The following ANK2 variants were observed in gnomAD, a reference collection of about 807,000 sequenced individuals.
ANK2 encodes the protein ankyrin 2.
A neutral mutation model predicts 360.5 loss-of-function variants in ANK2; 83 were observed. The ratio of observed to expected loss-of-function variants is 0.23; its 90% CI spans 0.19 to 0.28. ANK2 has a LOEUF of 0.28. Among genes scored for constraint, ANK2 ranks in the 10% least tolerant of loss-of-function variants. The pLI, the probability that ANK2 is intolerant of heterozygous loss-of-function variation, is 1.00. For synonymous variants in ANK2, 1,740 were observed against 1,759.5 expected (o/e 0.99, Z 0.28); for missense variants, 4,201 against 4,795.7 (o/e 0.88, Z 3.66).
At chr4:113,265,671 C>T (rs537169709) in intron 14 of ANK2, among the ~76,000 whole-genome samples, 48 of 152,272 alleles carry the variant, frequency 3.2e-4, no homozygotes, top group African/African-American at 1.0e-3. Context: ...TTTATTTTCT[C>T]ACCTTCCTTT....
At chr4:113,134,494 GA>G (rs2154380322) in intron 1 of ANK2, among the ~76,000 whole-genome samples, 2 of 151,830 alleles carry the variant, frequency 1.3e-5, no homozygotes, top group East Asian at 3.9e-4. Context: ...TAGGAAAATT[GA>G]TCCCCCCTTA....
At position 113,356,092 on chromosome 4, in the gene ANK2, G is replaced by A. The variant is rs759193468; in HGVS notation, c.7474G>A (p.Ala2492Thr). The change falls in exon 38 of 46, where the codon GCT becomes ACT. Residue 2492 changes from alanine to threonine, a missense_variant. Ala to Thr is a moderately conservative substitution (Grantham distance 58, BLOSUM62 0). Transcript: ENST00000357077. Reference sequence around the variant, plus strand: ...TCCAAGTCACTTTCCTCTTCCTGCAGCTGTTGCCAAAACAGAACTCTTGAC... The same window carrying A: ...TCCAAGTCACTTTCCTCTTCCTGCAACTGTTGCCAAAACAGAACTCTTGAC... ...IFPSHFPLPA[A>T]VAKTELLTEV... 6.8e-6 allele frequency: 11 copies of A among 1,613,990 alleles called. No individual in the cohort carries two copies. Among genetic ancestry groups the A allele is most frequent in the Admixed American group, 1.7e-5 (1 of 59,986 alleles).
intron 2 of ANK2, among the ~76,000 whole-genome samples, chr4:113,020,469 A>G (rs1053389007): frequency 1.3e-5 from 2 of 152,138 alleles, no homozygotes; most frequent in African/African-American, 4.8e-5. Flanking sequence ...TGTTGGGTTT[A>G]TAGGCGTGAG....
the ANK2 span, among the ~76,000 whole-genome samples, chr4:112,770,163 A>G: frequency 0.018 from 2,698 of 152,200 alleles, 89 homozygotes; most frequent in African/African-American, 0.059. Context: ...TCCCCTTATC[A>G]AGTTCTACAT....
At chr4:113,339,083 A>T (rs1158257953) in intron 31 of ANK2, 143 bp from the exon 32 acceptor site, 4 of 702,842 alleles carry the variant, frequency 5.7e-6, no homozygotes, top group Non-Finnish European at 1.0e-5. Context: ...ATTTTTTAGC[A>T]TGTAGATTTT....
At chr4:112,843,668 GA>G (rs1330642925) in intron 1 of ANK2, among the ~76,000 whole-genome samples, 2 of 152,056 alleles carry the variant, frequency 1.3e-5, no homozygotes, top group African/African-American at 2.4e-5. Context: ...CCCAAAAAAT[GA>G]AAATTTTTTT....
At chr4:112,854,644 G>C (rs1305329374) in intron 1 of ANK2, among the ~76,000 whole-genome samples, 1 of 152,208 alleles carries the variant, frequency 6.6e-6, no homozygotes, top group Non-Finnish European at 1.5e-5. Flanking sequence ...TGCTAAGAAG[G>C]CATTAAGGGT....
At chr4:113,372,414 T>G in intron 43 of ANK2, 1 of 631,802 alleles carries the variant, frequency 1.6e-6, no homozygotes, top group Non-Finnish European at 2.7e-6. Flanking sequence ...TCTACCAACT[T>G]GTCCATCAAA....
At chr4:113,126,487 A>G (rs1326437474) in intron 1 of ANK2, among the ~76,000 whole-genome samples, 1 of 152,178 alleles carries the variant, frequency 6.6e-6, no homozygotes, top group Non-Finnish European at 1.5e-5. Flanking sequence ...TGTAAGTGGA[A>G]CAGGTTACCT....
intron 15 of ANK2, among the ~76,000 whole-genome samples, chr4:113,277,168 A>T (rs1338895734): frequency 6.6e-6 from 1 of 152,254 alleles, no homozygotes; most frequent in Admixed American, 6.5e-5. Flanking sequence ...CAGTGTGTTT[A>T]AAAGTCTGGT....
rs1554561571 is a variant in ANK2, at chr4:113,356,427, A to C, written c.7809A>C (p.Gln2603His). Residue 2603 changes from glutamine (Q) to histidine (H), a missense_variant, in exon 38 of 46, where the codon CAA (glutamine) becomes CAC (histidine). By Grantham distance (24) the Gln-to-His change is conservative. Around this residue, in one of 4 missense-constraint regions of ANK2, gnomAD observed 2,642 missense variants for 2,714.5 expected, o/e 0.97. Transcript: ENST00000357077. ...TKIKMFDELE[Q>H]EAKQKRDYKK... Reference sequence around the variant, plus strand: ...TCAAAATGTTTGATGAACTTGAACAAGAAGCAAAGCAGAAAAGGGACTACA... The same window carrying C: ...TCAAAATGTTTGATGAACTTGAACACGAAGCAAAGCAGAAAAGGGACTACA... 1.2e-6 allele frequency: 2 copies of C among 1,614,190 alleles called. No individual in the cohort carries two copies. The highest frequency in any genetic ancestry group is 1.7e-5 in the Admixed American group (1 of 60,028).
chr4:113,241,725 A>G (rs2040051938), intron 8 of ANK2, among the ~76,000 whole-genome samples: 1 of 152,222 alleles, frequency 6.6e-6, no homozygotes, highest in South Asian at 2.1e-4. Flanking sequence ...CATAAAACTT[A>G]AGATGCCAGA....
At chr4:112,840,395 G>C (rs771793986) in intron 1 of ANK2, among the ~76,000 whole-genome samples, 4 of 152,154 alleles carry the variant, frequency 2.6e-5, no homozygotes, top group Non-Finnish European at 5.9e-5. Flanking sequence ...TGGCTTGAAG[G>C]TTCCTCTGGA....
intron 1 of ANK2, chr4:112,880,602 C>T (rs1161100724): frequency 3.3e-5 from 5 of 152,128 alleles, no homozygotes; most frequent in Non-Finnish European, 5.9e-5. Flanking sequence ...AAGTTAGCTC[C>T]AGAGATTAAA....
chr4:113,182,379 G>T (rs534456997), intron 2 of ANK2, among the ~76,000 whole-genome samples: 1 of 152,238 alleles, frequency 6.6e-6, no homozygotes, highest in East Asian at 1.9e-4. Flanking sequence ...AAAGATTTTG[G>T]CCTGAAGTGT....
At chr4:112,757,366 C>T in the ANK2 span, among the ~76,000 whole-genome samples, 1 of 152,022 alleles carries the variant, frequency 6.6e-6, no homozygotes, top group Non-Finnish European at 1.5e-5. Flanking sequence ...GTGATCCACC[C>T]GCCTCCCAAA....
At chr4:112,828,173 T>C (rs1003278582) in intron 1 of ANK2, among the ~76,000 whole-genome samples, 1 of 151,764 alleles carries the variant, frequency 6.6e-6, no homozygotes, top group Admixed American at 6.6e-5. Context: ...ATGCAGAAGA[T>C]TGAAACATGA....
At chr4:113,297,602 A>G (rs1343131145) in intron 22 of ANK2, among the ~76,000 whole-genome samples, 1 of 152,142 alleles carries the variant, frequency 6.6e-6, no homozygotes, top group African/African-American at 2.4e-5. Context: ...AATACAATAA[A>G]TACTTGTAAA....
intron 2 of ANK2, among the ~76,000 whole-genome samples, chr4:112,991,205 G>A (rs912259531): frequency 4.4e-5 from 6 of 137,816 alleles, no homozygotes; most frequent in South Asian, 2.2e-4. Context: ...CCGTGATTGC[G>A]CCACTGCATT....
Sources: allele counts gnomAD v4.1 joint callset (sites outside exome capture counted in the v4.1 genomes callset), GRCh38; gene constraint gnomAD v4.1.1; regional missense constraint gnomAD v4.1.1; transcripts MANE v1.5; gene names NCBI Gene and HGNC (gene_info 2026-07-23, HGNC 2026-07-21).